Variants in LRP1B observed in about 807,000 individuals in gnomAD.
The protein encoded by LRP1B is low-density lipoprotein receptor-related protein 1B.
Under a neutral mutation model 556.6 loss-of-function variants are expected in LRP1B, and 217 were observed. The ratio of observed to expected loss-of-function variants is 0.39; its 90% CI spans 0.35 to 0.44. The LOEUF (loss-of-function observed/expected upper bound fraction) is 0.44, where lower values mean the gene tolerates loss of function less well. Ranked by LOEUF, LRP1B falls within the 20% of genes least tolerant of loss-of-function variation. The pLI, the probability that LRP1B is intolerant of heterozygous loss-of-function variation, is 1.00. For synonymous variants in LRP1B, 2,047 were observed against 1,865.8 expected (o/e 1.10, Z -2.50); for missense variants, 5,053 against 5,620.8 (o/e 0.90, Z 3.23).
chr2:140,650,551 G>GT (rs1684647258), intron 41 of LRP1B, among the ~76,000 whole-genome samples: 1 of 151,964 alleles, frequency 6.6e-6, no homozygotes, highest in African/African-American at 2.4e-5. Flanking sequence ...GTTTCACCAT[G>GT]TTGGCCAGGT....
intron 29 of LRP1B, among the ~76,000 whole-genome samples, chr2:140,845,676 A>T (rs184026427): frequency 6.6e-6 from 1 of 152,238 alleles, no homozygotes; most frequent in East Asian, 1.9e-4. Flanking sequence ...AAGCACAATG[A>T]TTCCTTTTAA....
intron 7 of LRP1B, among the ~76,000 whole-genome samples, chr2:141,079,701 A>T (rs2380965): frequency 1.3e-5 from 2 of 152,080 alleles, no homozygotes; most frequent in African/African-American, 2.4e-5. Context: ...TTTCATAATC[A>T]TTAATAAATA....
intron 41 of LRP1B, among the ~76,000 whole-genome samples, chr2:140,677,176 A>G (rs560742932): frequency 6.6e-6 from 1 of 152,346 alleles, no homozygotes; most frequent in Admixed American, 6.5e-5. Context: ...TGTAGAGAGT[A>G]GTCAACAATT....
At chr2:141,114,159 A>C (rs1044555582) in intron 7 of LRP1B, among the ~76,000 whole-genome samples, 1 of 152,232 alleles carries the variant, frequency 6.6e-6, no homozygotes, top group Non-Finnish European at 1.5e-5. Flanking sequence ...GGGGGCACAC[A>C]GGCAGGCAGG....
chr2:141,068,518 A>C (rs1699545536), intron 7 of LRP1B, among the ~76,000 whole-genome samples: 1 of 147,704 alleles, frequency 6.8e-6, no homozygotes, highest in Non-Finnish European at 1.5e-5. Context: ...TTGCCTGGCC[A>C]GGGCCATGTT....
At chr2:140,528,264 A>G (rs1054645134) in intron 47 of LRP1B, among the ~76,000 whole-genome samples, 30 of 152,136 alleles carry the variant, frequency 2.0e-4, no homozygotes, top group African/African-American at 7.2e-4. Flanking sequence ...ACTTGAGAGA[A>G]GAGTGGAAGG....
chr2:141,401,592 T>C (rs1690455602), intron 3 of LRP1B, among the ~76,000 whole-genome samples: 2 of 152,202 alleles, frequency 1.3e-5, no homozygotes, highest in South Asian at 4.1e-4. Context: ...CAGATCATAT[T>C]CCACATTTCA....
At chr2:141,224,122 G>T (rs1420427674) in intron 6 of LRP1B, among the ~76,000 whole-genome samples, 1 of 148,826 alleles carries the variant, frequency 6.7e-6, no homozygotes, top group Non-Finnish European at 1.5e-5. Flanking sequence ...GACAATTTTT[G>T]CAATCTACAA....
At chr2:140,643,500 G>A (rs1282211126) in intron 41 of LRP1B, among the ~76,000 whole-genome samples, 1 of 152,172 alleles carries the variant, frequency 6.6e-6, no homozygotes, top group African/African-American at 2.4e-5. Context: ...GAACAAGAAT[G>A]TAATCTGATT....
chr2:142,111,177 T>C (rs1008220336), intron 1 of LRP1B, among the ~76,000 whole-genome samples: 18 of 152,104 alleles, frequency 1.2e-4, no homozygotes, highest in Non-Finnish European at 2.1e-4. Context: ...CAATAATGCT[T>C]AGTGTGTGTT....
At chr2:140,326,837 A>C (rs1212890092) in intron 79 of LRP1B, among the ~76,000 whole-genome samples, 3 of 152,166 alleles carry the variant, frequency 2.0e-5, no homozygotes, top group African/African-American at 7.2e-5. Context: ...TAATGGACTG[A>C]AATAATACAC....
chr2:141,784,173 C>A (rs1224153074), intron 2 of LRP1B, among the ~76,000 whole-genome samples: 3 of 151,832 alleles, frequency 2.0e-5, no homozygotes, highest in African/African-American at 4.8e-5. Context: ...CAACAAATAA[C>A]AATATAACTA....
intron 2 of LRP1B, among the ~76,000 whole-genome samples, chr2:141,688,897 G>A (rs1382521633): frequency 3.3e-5 from 5 of 151,762 alleles, no homozygotes; most frequent in East Asian, 1.9e-4. Flanking sequence ...TTATTATTCT[G>A]CCACCTTTCT....
At chr2:140,982,997 A>C (rs1193621317) in intron 17 of LRP1B, among the ~76,000 whole-genome samples, 1 of 152,054 alleles carries the variant, frequency 6.6e-6, no homozygotes, top group Admixed American at 6.6e-5. Flanking sequence ...TTTCTGTGTT[A>C]GCCGGAGGCA....
At position 141,262,726 on chromosome 2, in the gene LRP1B, T is replaced by C. The variant is rs148003405; in HGVS notation, c.344-8085A>G. On this transcript the variant is annotated intron_variant, in intron 3 of 90. Coordinates refer to ENST00000389484, the MANE Select transcript of LRP1B (RefSeq NM_018557.3). ...TTGTCAAAAATGAATTGACCAAGTATCCATGGGTATATTTTTGTACCCTTA... is the reference window on the plus strand; with the variant it reads ...TTGTCAAAAATGAATTGACCAAGTACCCATGGGTATATTTTTGTACCCTTA... Among the ~76,000 whole-genome samples the C allele has an allele frequency of 5.3e-3, 814 of 152,258 alleles. 9 individuals are homozygous for C. Among genetic ancestry groups the C allele is most frequent in the African/African-American group, 0.017 (691 of 41,574 alleles).
chr2:140,784,110 G>A (rs1007906842), intron 32 of LRP1B, among the ~76,000 whole-genome samples: 3 of 152,072 alleles, frequency 2.0e-5, no homozygotes, highest in African/African-American at 7.2e-5. Context: ...AAAAATGTCT[G>A]GGTGCCACCC....
chr2:141,774,875 A>C (rs921750731), intron 2 of LRP1B, among the ~76,000 whole-genome samples: 1 of 152,180 alleles, frequency 6.6e-6, no homozygotes, highest in African/African-American at 2.4e-5. Context: ...AGCTGCAGCC[A>C]TGGCGACTCA....
chr2:141,153,550 TA>T (rs1358056673), intron 7 of LRP1B, among the ~76,000 whole-genome samples: 15 of 127,398 alleles, frequency 1.2e-4, no homozygotes, highest in South Asian at 9.3e-4. Flanking sequence ...TATTATATAT[TA>T]GCTATATATA....
intron 1 of LRP1B, among the ~76,000 whole-genome samples, chr2:141,948,423 T>A (rs1489335441): frequency 6.6e-6 from 1 of 152,050 alleles, no homozygotes; most frequent in African/African-American, 2.4e-5. Flanking sequence ...ATTGTAAATA[T>A]ATTTTTGACC....
Sources: gnomAD v4.1 joint callset for allele counts (sites outside exome capture counted in the v4.1 genomes callset) on GRCh38, gnomAD v4.1.1 for gene constraint, MANE v1.5 for transcripts, NCBI Gene and HGNC (gene_info 2026-07-23, HGNC 2026-07-21) for gene names.